E2F8: variants seen among roughly 807,000 people sequenced by gnomAD.
E2F8 encodes transcription factor E2F8.
E2F8 carries 35 observed loss-of-function variants against 80.8 expected under a neutral mutation model. The observed-to-expected ratio is 0.43, with a 90% CI of 0.33 to 0.57. The LOEUF (loss-of-function observed/expected upper bound fraction) is 0.57. Among genes scored for constraint, E2F8 ranks in the 20% least tolerant of loss-of-function variants. The pLI, the probability that E2F8 is intolerant of heterozygous loss-of-function variation, is 0.04. For synonymous variants in E2F8, 386 were observed against 395.0 expected, an observed-to-expected ratio of 0.98 and a Z score of 0.27; for missense variants, 975 against 1,056.2, an observed-to-expected ratio of 0.92 and a Z score of 1.07.
intron 8 of E2F8, 94 bp from the exon 9 acceptor site, chr11:19,230,422 G>A: frequency 1.5e-6 from 2 of 1,315,856 alleles, no homozygotes; most frequent in Non-Finnish European, 2.1e-6. Flanking sequence ...AACAGAAAGT[G>A]TGCACCTCCC....
chr11:19,225,132 G>A, intron 12 of E2F8, 89 bp downstream of exon 12: 1 of 1,512,718 alleles, frequency 6.6e-7, no homozygotes, highest in Non-Finnish European at 8.8e-7. Context: ...CCTCTCCAAA[G>A]AGGAAAAGCA....
intron 12 of E2F8, 129 bp from the exon 13 acceptor site, chr11:19,224,969 AG>A: frequency 2.4e-6 from 3 of 1,253,992 alleles, no homozygotes; most frequent in Non-Finnish European, 3.3e-6. Flanking sequence ...GAAATTGGCG[AG>A]GGAAGCTTTG....
In E2F8 at chr11:19,237,985, C is replaced by T; in HGVS notation, c.163G>A (p.Glu55Lys). ...PTKPKEGSQG[E>K]PWTPTANLKM... is the part of the protein sequence containing the mutation. ...AGGTTGGCTGTCGGTGTCCACGGCT[C>T]TCCCTGAGAGCCTTCCTTGGGCTTG... Residue 55 changes from glutamate to lysine, a missense_variant, in exon 3 of 13, where the codon GAG becomes AAG. Glu to Lys is a moderately conservative substitution (Grantham distance 56, BLOSUM62 1). Coordinates refer to ENST00000250024, the MANE Select transcript of E2F8 (RefSeq NM_024680.4). 6.2e-7 allele frequency: 1 copy of T among 1,614,206 alleles called. No homozygotes were observed. Among genetic ancestry groups the T allele is most frequent in the Non-Finnish European group, 8.5e-7 (1 of 1,180,042 alleles).
intron 2 of E2F8, among the ~76,000 whole-genome samples, chr11:19,239,280 T>A (rs1214038107): frequency 6.6e-6 from 1 of 152,170 alleles, no homozygotes; most frequent in African/African-American, 2.4e-5. Context: ...CCAAGTATGG[T>A]GCTCTTCTTA....
At chr11:19,226,679 A>G (rs1270263446) in intron 10 of E2F8, among the ~76,000 whole-genome samples, 4 of 152,218 alleles carry the variant, frequency 2.6e-5, no homozygotes, top group Non-Finnish European at 5.9e-5. Context: ...ACTAGGTGCA[A>G]CAGAGCCCAT....
In E2F8 at chr11:19,225,745, G is replaced by C; in HGVS notation, c.2013C>G (p.Ser671Arg). 6.2e-7 allele frequency: 1 copy of C among 1,614,226 alleles called. No homozygotes were observed. The highest frequency in any genetic ancestry group is 1.1e-5 in the South Asian group (1 of 91,084). ...ATGTGCACTCACCTGCAATTGGGGA[G>C]CTGTAAATCCTGTGGTTTGGGGAAA... ...SALSPNHRIY[S>R]SPIAGVIPVT... is the part of the protein sequence containing the mutation. The change falls in exon 11 of 13, where the codon AGC becomes AGG. Residue 671 changes from serine to arginine, a missense_variant. Ser to Arg is a moderately radical substitution (Grantham distance 110). Transcript: ENST00000250024.
At position 19,231,556 on chromosome 11, in the gene E2F8, G is replaced by A. The variant is rs559925872; in HGVS notation, c.1066+678C>T. On this transcript the variant is annotated intron_variant, in intron 7 of 12. Coordinates refer to ENST00000250024, the MANE Select transcript of E2F8 (RefSeq NM_024680.4). ...TTCTTGTCATTTTCAATGATTCTGG[G>A]TGGGGATCTTTGGTAGAATGCAAAA... Among the ~76,000 whole-genome samples, 285 of 152,310 alleles carry A rather than the reference G, an allele frequency of 1.9e-3. 3 individuals carry two copies. Among genetic ancestry groups the A allele is most frequent in the Admixed American group, 2.4e-3 (37 of 15,304 alleles).
rs1851633189 is a variant in E2F8 at position 19,240,580 on chromosome 11, A to G, written c.-142T>C. 1 of 152,602 alleles carries G rather than the reference A, an allele frequency of 6.6e-6. No homozygotes were observed. The highest frequency in any genetic ancestry group is 2.4e-5 in the African/African-American group (1 of 41,460). 9.5% of individuals were successfully genotyped at this position (152,602 alleles called of 1,614,324 possible). On this transcript the variant is annotated 5_prime_UTR_variant, in exon 1 of 13. Coordinates refer to ENST00000250024, the MANE Select transcript of E2F8 (RefSeq NM_024680.4). Reference sequence around the variant, plus strand: ...CAGATCAGGGCTCCGGACTAAGCGCACGAGCCCAGGTCCCAGCTGAGCGCA... The same window carrying G: ...CAGATCAGGGCTCCGGACTAAGCGCGCGAGCCCAGGTCCCAGCTGAGCGCA...
At position 19,224,307 on chromosome 11, in the gene E2F8, T is replaced by C. The variant is rs793278; in HGVS notation, c.*351A>G. 134,440 of 166,170 alleles carry C rather than the reference T, an allele frequency of 0.81. 54,662 individuals are homozygous for C. Among genetic ancestry groups the C allele is most frequent in the Non-Finnish European group, 0.85 (64,912 of 76,800 alleles). 10.3% of individuals were successfully genotyped at this position (166,170 alleles called of 1,614,324 possible). ...TGCTGTGTTAGGCATGTCAAGCATA[T>C]TTGCTTAGAGGGAAGTAAACTTTAA... is the stretch of plus-strand genomic sequence containing the variant. On this transcript the variant is annotated 3_prime_UTR_variant, in exon 13 of 13. Transcript: ENST00000250024.
chr11:19,234,840 A>C lies in E2F8; in HGVS notation c.670T>G (p.Tyr224Asp). ...YEQEFDFIKS[Y>D]SIEDHIIKSN... ...TTGATGATATGATCCTCTATACTGTAACTCTTAATAAAGTCAAACTCTTGC... is the reference window on the plus strand; with the variant it reads ...TTGATGATATGATCCTCTATACTGTCACTCTTAATAAAGTCAAACTCTTGC... Residue 224 changes from tyrosine (Y) to aspartate (D), a missense_variant, in exon 5 of 13, where the codon TAC becomes GAC. Tyr to Asp is a radical substitution (Grantham distance 160). Transcript: ENST00000250024. The C allele has an allele frequency of 6.2e-6, 10 of 1,614,202 alleles. No individual in the cohort carries two copies. Among genetic ancestry groups the C allele is most frequent in the Non-Finnish European group, 8.5e-6 (10 of 1,180,042 alleles).
Position 19,224,511 on chromosome 11 carries a change from GTA to G in E2F8, c.*145_*146del. ...TGTGTGTGTGTGTATATATATATAT[GTA>G]TGAAAACAACTATCTGATTTCACAT... On this transcript the variant is annotated 3_prime_UTR_variant, in exon 13 of 13. Coordinates refer to ENST00000250024, the MANE Select transcript of E2F8 (RefSeq NM_024680.4). 8 of 591,480 alleles carry G rather than the reference GTA, an allele frequency of 1.4e-5. No homozygotes were observed. Among genetic ancestry groups the G allele is most frequent in the Non-Finnish European group, 2.3e-5 (8 of 343,864 alleles). 36.6% of individuals were successfully genotyped at this position (591,480 alleles called of 1,614,324 possible).
In E2F8 at chr11:19,230,854, T is replaced by A; in HGVS notation, c.1067-20A>T. ...TGGAGCCTGAAACAGAAAACGTCTG[T>A]GTATTAAAACCTGGATGGCTCAGTT... On this transcript the variant is annotated intron_variant, in intron 7 of 12. Transcript: ENST00000250024. 1 of 1,612,792 alleles carries A rather than the reference T, an allele frequency of 6.2e-7. No homozygotes were observed. Among genetic ancestry groups the A allele is most frequent in the Non-Finnish European group, 8.5e-7 (1 of 1,179,184 alleles).
intron 4 of E2F8, among the ~76,000 whole-genome samples, chr11:19,236,129 G>A (rs894712600): frequency 3.3e-5 from 5 of 152,074 alleles, no homozygotes; most frequent in South Asian, 2.1e-4. Context: ...GCATCCTACC[G>A]ACCTCTTGCT....
rs1015127114 is a variant in E2F8 at position 19,230,468 on chromosome 11, C to T, written c.1271-140G>A. The T allele has an allele frequency of 4.9e-5, 59 of 1,198,666 alleles. No individual in the cohort carries two copies. The East Asian group carries it at 1.4e-3, about 29-fold the overall frequency. 74.3% of individuals were successfully genotyped at this position (1,198,666 alleles called of 1,614,324 possible). ...CATAGCGATTAAACAATAAACCCCA[C>T]AAATGACTTTTTAAATTTATACATT... On this transcript the variant is annotated intron_variant, in intron 8 of 12. Transcript: ENST00000250024.
At position 19,225,332 on chromosome 11, in the gene E2F8, G is replaced by A. The variant is rs138183110; in HGVS notation, c.2310C>T (p.Val770=). The change falls in exon 12 of 13, where the codon GTC becomes GTT. Residue 770 remains valine (V), a synonymous_variant. Transcript: ENST00000250024. ...PVSPRIESVN[V]APENAGTQQG... ...GCTGAGTGCCTGCATTTTCTGGTGCGACATTAACAGACTCTATTCTTGGAG... is the reference window on the plus strand; with the variant it reads ...GCTGAGTGCCTGCATTTTCTGGTGCAACATTAACAGACTCTATTCTTGGAG... 6.5e-4 allele frequency: 1,057 copies of A among 1,614,106 alleles called. 8 individuals carry two copies. The African/African-American group carries it at 0.013, about 19-fold the overall frequency.
At position 19,238,259 on chromosome 11, in the gene E2F8, TGA is replaced by T. The variant is rs1851575784; in HGVS notation, c.16-129_16-128del. 5.4e-6 allele frequency: 5 copies of T among 926,048 alleles called. No individual in the cohort carries two copies. In the South Asian group the frequency reaches 8.9e-5, roughly 17 times the overall value. The allele number at this position is 926,048 out of a possible 1,614,324, so 57.4% of individuals were successfully genotyped here. ...AAAATGTCTAATGAGATTGTAGAGTTGAGGAAATTAATAACTGTATTCTAATG... is the reference window on the plus strand; with the variant it reads ...AAAATGTCTAATGAGATTGTAGAGTTGGAAATTAATAACTGTATTCTAATG... On this transcript the variant is annotated intron_variant, in intron 2 of 12. Coordinates refer to ENST00000250024, the MANE Select transcript of E2F8 (RefSeq NM_024680.4).
chr11:19,238,838 A>G (rs1851590058), intron 2 of E2F8, among the ~76,000 whole-genome samples: 1 of 152,230 alleles, frequency 6.6e-6, no homozygotes, highest in Non-Finnish European at 1.5e-5. Flanking sequence ...TGCAAAAGTA[A>G]TTGTGGCTTT....
chr11:19,239,102 A>G (rs1851595741), intron 2 of E2F8, among the ~76,000 whole-genome samples: 1 of 152,276 alleles, frequency 6.6e-6, no homozygotes, highest in Non-Finnish European at 1.5e-5. Context: ...AATAATAGGC[A>G]GACCAAATAA....
rs1851457026 is a variant in E2F8, at chr11:19,234,300, C to CGACT, written c.928+56_928+59dup. 5 of 1,576,978 alleles carry CGACT rather than the reference C, an allele frequency of 3.2e-6. No individual in the cohort carries two copies. In the Admixed American group the frequency reaches 5.4e-5, roughly 17 times the overall value. On this transcript the variant is annotated intron_variant, in intron 6 of 12. Transcript: ENST00000250024. ...GTTTCCTAATTTGGAAATGAGTTTACGACTGAGATTTTATTGTTTAAGAAT... is the reference window on the plus strand; with the variant it reads ...GTTTCCTAATTTGGAAATGAGTTTACGACTGACTGAGATTTTATTGTTTAAGAAT...
Sources: allele counts gnomAD v4.1 joint callset (sites outside exome capture counted in the v4.1 genomes callset), GRCh38; gene constraint gnomAD v4.1.1; transcripts MANE v1.5; gene names NCBI Gene and HGNC (gene_info 2026-07-23, HGNC 2026-07-21).